Variants in KIF3B observed in about 807,000 individuals in gnomAD.
The protein encoded by KIF3B is kinesin family member 3B.
A neutral mutation model predicts 74.3 loss-of-function variants in KIF3B; 38 were observed. That is an observed-to-expected ratio of 0.51 (90% CI 0.39 to 0.67). KIF3B has a LOEUF of 0.67. Among genes scored for constraint, KIF3B ranks in the 30% least tolerant of loss-of-function variants. KIF3B has a pLI of 0.00. For missense variants in KIF3B, 649 were observed against 932.0 expected, an observed-to-expected ratio of 0.70 and a Z score of 3.95; for synonymous variants, 326 against 342.5, an observed-to-expected ratio of 0.95 and a Z score of 0.53.
In KIF3B at chr20:32,333,753, T is replaced by C. The variant is rs1421235965; in HGVS notation, c.*2434T>C. ...TGACCAAGGGTGGTTAAGTGACACA[T>C]AGAACTTTTCTAAGAGAAGACAGAC... is the stretch of plus-strand genomic sequence containing the variant. On this transcript the variant is annotated 3_prime_UTR_variant, in exon 9 of 9. Coordinates refer to ENST00000375712, the MANE Select transcript of KIF3B (RefSeq NM_004798.4). 1 of 149,344 alleles carries C rather than the reference T, an allele frequency of 6.7e-6. No homozygotes were observed. The allele number at this position is 149,344 out of a possible 1,614,324, so 9.3% of individuals were successfully genotyped here.
At chr20:32,323,090 ATATT>A (rs1349795425) in intron 5 of KIF3B, among the ~76,000 whole-genome samples, 12 of 110,662 alleles carry the variant, frequency 1.1e-4, no homozygotes, top group Non-Finnish European at 2.2e-4. Context: ...ATATATATTT[ATATT>A]TATATATTTA....
chr20:32,283,427 C>T (rs2047653303), intron 1 of KIF3B, among the ~76,000 whole-genome samples: 1 of 151,738 alleles, frequency 6.6e-6, no homozygotes, highest in African/African-American at 2.4e-5. Context: ...TCGCTTGAAC[C>T]CGGGAGGTGG....
At chr20:32,302,924 C>T (rs978458780) in intron 1 of KIF3B, among the ~76,000 whole-genome samples, 2 of 152,184 alleles carry the variant, frequency 1.3e-5, no homozygotes, top group South Asian at 2.1e-4. Context: ...GTCCAACCCG[C>T]GGCCCAGGAT....
At chr20:32,287,997 C>T (rs1406793253) in intron 1 of KIF3B, among the ~76,000 whole-genome samples, 1 of 149,058 alleles carries the variant, frequency 6.7e-6, no homozygotes, top group Non-Finnish European at 1.5e-5. Context: ...ATTCTCCTGC[C>T]TCAGCCTCCT....
At chr20:32,282,386 C>T (rs2047647147) in intron 1 of KIF3B, among the ~76,000 whole-genome samples, 1 of 151,920 alleles carries the variant, frequency 6.6e-6, no homozygotes, top group African/African-American at 2.4e-5. Context: ...GGTAAGGGGC[C>T]CTATGAGGAA....
intron 1 of KIF3B, among the ~76,000 whole-genome samples, chr20:32,299,709 G>T (rs1216570254): frequency 2.0e-5 from 3 of 151,554 alleles, no homozygotes; most frequent in South Asian, 2.1e-4. Flanking sequence ...ACCACACCCA[G>T]CCATATTGTC....
chr20:32,326,886 TA>T lies in KIF3B; in HGVS notation c.1862+4del. 1 of 1,334,452 alleles carries T rather than the reference TA, an allele frequency of 7.5e-7. No individual in the cohort carries two copies. Among genetic ancestry groups the T allele is most frequent in the Non-Finnish European group, 1.1e-6 (1 of 939,600 alleles). 82.7% of individuals were successfully genotyped at this position (1,334,452 alleles called of 1,614,324 possible). On this transcript the variant is annotated splice_donor_region_variant and intron_variant, in intron 6 of 8. Transcript: ENST00000375712. ...ACTACATCCTATAACCAGACTGGAG[TA>T]AGTCACTATTAACTTCAAGTATATT...
chr20:32,306,098 A>G (rs1200044662), intron 1 of KIF3B, among the ~76,000 whole-genome samples: 1 of 150,458 alleles, frequency 6.6e-6, no homozygotes, highest in African/African-American at 2.4e-5. Flanking sequence ...AAAAAAAAAA[A>G]AAAAAGAAAG....
chr20:32,324,744 G>T (rs1600438775), intron 5 of KIF3B, among the ~76,000 whole-genome samples: 1 of 152,110 alleles, frequency 6.6e-6, no homozygotes, highest in East Asian at 1.9e-4. Flanking sequence ...AAAATTAAAT[G>T]TAGGCAAGGT....
At chr20:32,298,963 T>C (rs954402697) in intron 1 of KIF3B, among the ~76,000 whole-genome samples, 4 of 152,280 alleles carry the variant, frequency 2.6e-5, no homozygotes, top group Non-Finnish European at 5.9e-5. Flanking sequence ...GCACCCATCC[T>C]ATCCCACTTT....
intron 1 of KIF3B, among the ~76,000 whole-genome samples, chr20:32,305,096 C>T (rs776616576): frequency 3.3e-5 from 5 of 151,724 alleles, no homozygotes; most frequent in African/African-American, 9.7e-5. Flanking sequence ...TGCAGTGAGC[C>T]GAGATCGCAC....
intron 1 of KIF3B, among the ~76,000 whole-genome samples, chr20:32,291,276 T>TA (rs959226534): frequency 2.0e-5 from 3 of 152,158 alleles, no homozygotes; most frequent in South Asian, 2.1e-4. Flanking sequence ...ACTGTAATTT[T>TA]AAAAAAATTT....
intron 1 of KIF3B, among the ~76,000 whole-genome samples, chr20:32,295,149 A>T (rs1422501968): frequency 6.6e-6 from 1 of 152,166 alleles, no homozygotes; most frequent in East Asian, 1.9e-4. Flanking sequence ...GAGTTTTGGT[A>T]CTGATTGCCT....
chr20:32,328,505 C>T (rs1003530939), intron 7 of KIF3B, among the ~76,000 whole-genome samples: 10 of 151,896 alleles, frequency 6.6e-5, no homozygotes, highest in African/African-American at 2.4e-4. Context: ...ACTCGGGAGG[C>T]TGAGGCAGGA....
intron 1 of KIF3B, among the ~76,000 whole-genome samples, chr20:32,299,379 G>GTGTA (rs1187264463): frequency 1.2e-3 from 28 of 23,096 alleles, no homozygotes; most frequent in African/African-American, 5.9e-3. Flanking sequence ...TGGTGTGTGT[G>GTGTA]TATATATATA....
chr20:32,322,738 ATATT>A lies in KIF3B; in HGVS notation c.1749-4025_1749-4022del, dbSNP rs1445679914. ...TATATTTATATTTATTTATTTATAT[ATATT>A]TATTTATATATATATTTATATATAT... On this transcript the variant is annotated intron_variant, in intron 5 of 8. Transcript: ENST00000375712. 5.7e-4 allele frequency among the ~76,000 whole-genome samples: 31 copies of A among 54,214 alleles called. 1 individual carries two copies. The highest frequency in any genetic ancestry group is 2.3e-3 in the African/African-American group (22 of 9,662). The allele number at this position is 54,214 out of a possible 152,430, so 35.6% of individuals were successfully genotyped here.
chr20:32,298,931 A>C (rs565669857), intron 1 of KIF3B, among the ~76,000 whole-genome samples: 1 of 152,228 alleles, frequency 6.6e-6, no homozygotes, highest in South Asian at 2.1e-4. Context: ...AAAGTGCTGC[A>C]GTTACAGAGG....
Position 32,283,325 on chromosome 20 carries a change from GA to G in KIF3B, c.-66+5563del, listed in dbSNP as rs1294639653. 3.3e-5 allele frequency among the ~76,000 whole-genome samples: 5 copies of G among 152,092 alleles called. No individual in the cohort carries two copies. In the East Asian group the frequency reaches 9.7e-4, roughly 29 times the overall value. Reference sequence around the variant, plus strand: ...TTGAGACCAGCCTGACCAACATGGTGAAACCCCTTCTTTACTAAGAATACAA... The same window carrying G: ...TTGAGACCAGCCTGACCAACATGGTGAACCCCTTCTTTACTAAGAATACAA... On this transcript the variant is annotated intron_variant, in intron 1 of 8. Coordinates refer to ENST00000375712, the MANE Select transcript of KIF3B (RefSeq NM_004798.4).
chr20:32,296,397 G>C (rs1182066082), intron 1 of KIF3B, among the ~76,000 whole-genome samples: 1 of 152,110 alleles, frequency 6.6e-6, no homozygotes, highest in Non-Finnish European at 1.5e-5. Context: ...GAGGCCGGGA[G>C]TTCAAGAACA....
Sources: gnomAD v4.1 joint callset for allele counts (sites outside exome capture counted in the v4.1 genomes callset) on GRCh38, gnomAD v4.1.1 for gene constraint, MANE v1.5 for transcripts, NCBI Gene and HGNC (gene_info 2026-07-23, HGNC 2026-07-21) for gene names.